SUSD5: variants seen among roughly 807,000 people sequenced by gnomAD.
SUSD5 encodes the protein sushi domain containing 5.
A neutral mutation model predicts 29.5 loss-of-function variants in SUSD5; 33 were observed. The observed-to-expected ratio is 1.12, with a 90% CI of 0.85 to 1.49. SUSD5 has a LOEUF of 1.49. Among genes scored for constraint, SUSD5 ranks in the 40% most tolerant of loss-of-function variants. The probability of loss-of-function intolerance (pLI) is 0.00; values close to 1 mark genes in which losing one functional copy is unlikely to be tolerated. For synonymous variants in SUSD5, 308 were observed against 325.3 expected (o/e 0.95, Z 0.57); for missense variants, 776 against 800.6 (o/e 0.97, Z 0.37).
rs912191841 is a variant in SUSD5, at chr3:33,152,880, G to A, written c.1752C>T (p.Cys584=). Residue 584 remains cysteine, a synonymous_variant, in exon 5 of 5, where the codon TGC becomes TGT. Coordinates refer to ENST00000309558, the MANE Select transcript of SUSD5 (RefSeq NM_015551.2). ...PVIATIVTVL[C]LLLLLAGVGM... ...CCACACCTGCCAGGAGCAGCAGTAG[G>A]CACAGGACGGTGACAATGGTGGCGA... 1 of 1,614,002 alleles carries A rather than the reference G, an allele frequency of 6.2e-7. No homozygotes were observed. Among genetic ancestry groups the A allele is most frequent in the Non-Finnish European group, 8.5e-7 (1 of 1,179,890 alleles).
At chr3:33,192,017 A>G (rs1350583917) in intron 3 of SUSD5, among the ~76,000 whole-genome samples, 1 of 151,908 alleles carries the variant, frequency 6.6e-6, no homozygotes, top group Non-Finnish European at 1.5e-5. Context: ...GAGTGCTATC[A>G]TTGTTTGTAA....
intron 4 of SUSD5, among the ~76,000 whole-genome samples, chr3:33,169,971 G>A (rs1426959785): frequency 8.6e-5 from 13 of 151,472 alleles, no homozygotes; most frequent in Non-Finnish European, 1.9e-4. Flanking sequence ...AGGCTGCAGT[G>A]CAGTGGCACG....
intron 2 of SUSD5, among the ~76,000 whole-genome samples, chr3:33,212,519 G>A (rs977931272): frequency 2.0e-5 from 3 of 152,214 alleles, no homozygotes; most frequent in Non-Finnish European, 2.9e-5. Context: ...CTAGTCTTGC[G>A]TATAATGTCT....
At chr3:33,169,595 A>G (rs892632225) in intron 4 of SUSD5, among the ~76,000 whole-genome samples, 1 of 152,236 alleles carries the variant, frequency 6.6e-6, no homozygotes, top group Non-Finnish European at 1.5e-5. Flanking sequence ...AAGCAGGCCC[A>G]AAAAACAACT....
At chr3:33,194,406 A>G (rs764373099) in intron 3 of SUSD5, among the ~76,000 whole-genome samples, 4 of 152,096 alleles carry the variant, frequency 2.6e-5, no homozygotes, top group Admixed American at 6.5e-5. Context: ...AGAGGAACCC[A>G]CTGGCTGGTT....
At chr3:33,178,648 G>A (rs567235907) in intron 3 of SUSD5, among the ~76,000 whole-genome samples, 24 of 152,138 alleles carry the variant, frequency 1.6e-4, no homozygotes, top group Non-Finnish European at 3.1e-4. Flanking sequence ...GGGTTTCACC[G>A]TGTTAGCCAG....
rs759998016 is a variant in SUSD5, at chr3:33,152,786, G to A, written c.1846C>T (p.Gln616Ter). 51 of 1,613,592 alleles carry A rather than the reference G, an allele frequency of 3.2e-5. No homozygotes were observed. The highest frequency in any genetic ancestry group is 4.1e-5 in the Non-Finnish European group (48 of 1,179,702). Residue 616 changes from glutamine to a stop codon, truncating the protein, a stop_gained, in exon 5 of 5, where the codon CAG (glutamine) becomes TAG (stop). Coordinates refer to ENST00000309558, the MANE Select transcript of SUSD5 (RefSeq NM_015551.2). LOFTEE classifies it high-confidence loss of function. Reference sequence around the variant, plus strand: ...ATCTGCTGGTGGTAGTGCCGAGCCTGCCGCTGGCCAACATTCAGCTTGTAC... The same window carrying A: ...ATCTGCTGGTGGTAGTGCCGAGCCTACCGCTGGCCAACATTCAGCTTGTAC... ...SVYKLNVGQR[Q>*]ARHYHQQIEM...
intron 3 of SUSD5, among the ~76,000 whole-genome samples, chr3:33,183,556 G>T (rs2031715512): frequency 6.6e-6 from 1 of 151,974 alleles, no homozygotes; most frequent in African/African-American, 2.4e-5. Flanking sequence ...AATTCCTCCT[G>T]CCCCCTGTAT....
rs529046488 is a variant in SUSD5, at chr3:33,184,497, C to T, written c.410-9423G>A. 8.5e-5 allele frequency among the ~76,000 whole-genome samples: 13 copies of T among 152,214 alleles called. No homozygotes were observed. The South Asian group carries it at 2.3e-3, about 27-fold the overall frequency. The stretch of plus-strand genomic sequence containing the variant: ...AATTTGATGAAATTCTTGGTCATTA[C>T]GATTTCAAATATTGCTTCTGTTCCT... On this transcript the variant is annotated intron_variant, in intron 3 of 4. Coordinates refer to ENST00000309558, the MANE Select transcript of SUSD5 (RefSeq NM_015551.2).
chr3:33,159,384 G>C (rs534344713), intron 4 of SUSD5, among the ~76,000 whole-genome samples: 2 of 152,216 alleles, frequency 1.3e-5, no homozygotes, highest in Middle Eastern at 3.4e-3. Flanking sequence ...GACAAGTCTC[G>C]CTGTAACCTC....
At chr3:33,184,842 T>C (rs2031746113) in intron 3 of SUSD5, among the ~76,000 whole-genome samples, 1 of 152,252 alleles carries the variant, frequency 6.6e-6, no homozygotes, top group South Asian at 2.1e-4. Context: ...CTGAGCATAG[T>C]TATCATAGCA....
At chr3:33,178,305 A>T (rs1171728691) in intron 3 of SUSD5, among the ~76,000 whole-genome samples, 4 of 152,230 alleles carry the variant, frequency 2.6e-5, no homozygotes, top group Non-Finnish European at 5.9e-5. Context: ...TTTGAAGACT[A>T]GCCTTGCACA....
At chr3:33,203,031 A>C (rs1302516858) in intron 3 of SUSD5, among the ~76,000 whole-genome samples, 6 of 152,170 alleles carry the variant, frequency 3.9e-5, no homozygotes, top group Non-Finnish European at 5.9e-5. Flanking sequence ...GGAATACTGC[A>C]CGGAAGCATC....
intron 2 of SUSD5, among the ~76,000 whole-genome samples, chr3:33,213,121 T>A (rs2032351893): frequency 6.6e-6 from 1 of 152,136 alleles, no homozygotes; most frequent in Non-Finnish European, 1.5e-5. Flanking sequence ...TTAAAAAAAA[T>A]TCAAGGCTAG....
chr3:33,172,356 G>A (rs947564033), intron 4 of SUSD5, among the ~76,000 whole-genome samples: 3 of 152,220 alleles, frequency 2.0e-5, no homozygotes, highest in Admixed American at 1.3e-4. Context: ...ATTGCAGTGG[G>A]AACATAAAGA....
chr3:33,188,736 A>C (rs2125625746), intron 3 of SUSD5, among the ~76,000 whole-genome samples: 1 of 152,322 alleles, frequency 6.6e-6, no homozygotes, highest in South Asian at 2.1e-4. Context: ...GAGGGGCAGA[A>C]GATTATTGGA....
intron 4 of SUSD5, chr3:33,168,573 C>G: frequency 1.0e-6 from 1 of 985,488 alleles, no homozygotes; most frequent in Non-Finnish European, 1.2e-6. Context: ...AGGCCTCGTT[C>G]TCCTCCCCAT....
At chr3:33,212,553 T>C (rs894822820) in intron 2 of SUSD5, among the ~76,000 whole-genome samples, 1 of 152,166 alleles carries the variant, frequency 6.6e-6, no homozygotes. Flanking sequence ...GCAAGACTCA[T>C]AGGCTGGCAA....
chr3:33,186,397 A>G (rs2125624906), intron 3 of SUSD5, among the ~76,000 whole-genome samples: 1 of 151,578 alleles, frequency 6.6e-6, no homozygotes, highest in East Asian at 1.9e-4. Flanking sequence ...CTGGCCTCGC[A>G]GCTTGTAGTT....
Sources: allele counts gnomAD v4.1 joint callset (sites outside exome capture counted in the v4.1 genomes callset), GRCh38; gene constraint gnomAD v4.1.1; transcripts MANE v1.5; gene names NCBI Gene and HGNC (gene_info 2026-07-23, HGNC 2026-07-21).